The following TJP2 variants were observed in gnomAD, a reference collection of about 807,000 sequenced individuals.
TJP2 encodes the protein Friedreich ataxia region gene X104 (tight junction protein ZO-2).
A neutral mutation model predicts 133.1 loss-of-function variants in TJP2; 91 were observed. That is an observed-to-expected ratio of 0.68 (90% CI 0.58 to 0.81). The LOEUF (loss-of-function observed/expected upper bound fraction) is 0.81, where lower values mean the gene tolerates loss of function less well. TJP2 is among the 40% of genes least tolerant of loss of function. The probability of loss-of-function intolerance (pLI) is 0.00; values close to 1 mark genes in which losing one functional copy is unlikely to be tolerated. For missense variants in TJP2, 1,541 were observed against 1,565.6 expected (o/e 0.98, Z 0.26); for synonymous variants, 592 against 583.4 (o/e 1.01, Z -0.21).
rs1588168171 is a variant in TJP2, at chr9:69,253,871, C to T, written c.3408-338C>T. ...AGGTTGCCTCTGGCAACAAAGAGTTCTTGGTTATGATGGACTGAAACTGGC... is the reference window on the plus strand; with the variant it reads ...AGGTTGCCTCTGGCAACAAAGAGTTTTTGGTTATGATGGACTGAAACTGGC... On this transcript the variant is annotated intron_variant, in intron 22 of 22. Transcript: ENST00000377245. The T allele has an allele frequency of 1.6e-5, 6 of 369,466 alleles. 1 individual carries two copies. The Admixed American group carries it at 2.3e-4, about 14-fold the overall frequency. The allele number at this position is 369,466 out of a possible 1,614,324, so 22.9% of individuals were successfully genotyped here.
chr9:69,122,617 C>A (rs557962310), intron 1 of TJP2, among the ~76,000 whole-genome samples: 12 of 152,176 alleles, frequency 7.9e-5, no homozygotes, highest in Non-Finnish European at 1.8e-4. Flanking sequence ...AGTTGGAGAT[C>A]TTTATGTTGG....
At chr9:69,242,060 G>T (rs967958637) in intron 17 of TJP2, among the ~76,000 whole-genome samples, 2 of 152,208 alleles carry the variant, frequency 1.3e-5, no homozygotes, top group Non-Finnish European at 2.9e-5. Context: ...TGAGGATGTA[G>T]GAAATCGGGA....
At chr9:69,141,276 C>G (rs1050443913) in intron 1 of TJP2, among the ~76,000 whole-genome samples, 2 of 152,180 alleles carry the variant, frequency 1.3e-5, no homozygotes, top group Admixed American at 1.3e-4. Flanking sequence ...TATTCAGTAG[C>G]AGGGGTTAAA....
chr9:69,160,114 G>C (rs1823992517), intron 2 of TJP2, among the ~76,000 whole-genome samples: 1 of 151,972 alleles, frequency 6.6e-6, no homozygotes, highest in South Asian at 2.1e-4. Flanking sequence ...ATTGGCTCTG[G>C]AAAAAATAAT....
intron 5 of TJP2, among the ~76,000 whole-genome samples, chr9:69,224,271 C>A (rs1186046525): frequency 2.6e-5 from 4 of 152,294 alleles, no homozygotes; most frequent in African/African-American, 9.6e-5. Context: ...TTCATATAAT[C>A]TAAAATGCTA....
At chr9:69,246,422 A>T (rs960972018) in intron 17 of TJP2, 1 of 431,496 alleles carries the variant, frequency 2.3e-6, no homozygotes, top group African/African-American at 2.0e-5. Flanking sequence ...AACATTTTTA[A>T]AAGTTAGCCT....
At chr9:69,130,290 A>C (rs1015826263) in intron 1 of TJP2, among the ~76,000 whole-genome samples, 8 of 152,162 alleles carry the variant, frequency 5.3e-5, no homozygotes, top group African/African-American at 1.9e-4. Context: ...AAATGTTGGT[A>C]ATAGCAGAGA....
intron 12 of TJP2, among the ~76,000 whole-genome samples, chr9:69,235,646 G>A (rs1158652720): frequency 6.6e-6 from 1 of 152,120 alleles, no homozygotes; most frequent in Non-Finnish European, 1.5e-5. Flanking sequence ...TTGAGAAGGG[G>A]TCTGATTGTC....
intron 5 of TJP2, among the ~76,000 whole-genome samples, chr9:69,224,930 C>T (rs1049954466): frequency 6.6e-6 from 1 of 152,148 alleles, no homozygotes; most frequent in Non-Finnish European, 1.5e-5. Flanking sequence ...CATTCTCCTA[C>T]ATCAGTCACC....
chr9:69,201,022 A>G (rs1826950079), intron 1 of TJP2, among the ~76,000 whole-genome samples: 1 of 152,220 alleles, frequency 6.6e-6, no homozygotes, highest in Non-Finnish European at 1.5e-5. Flanking sequence ...CTCAGGGAGT[A>G]TATGTCGAAT....
chr9:69,168,749 G>A (rs912087462), intron 2 of TJP2, among the ~76,000 whole-genome samples: 1 of 150,910 alleles, frequency 6.6e-6, no homozygotes, highest in Admixed American at 6.6e-5. Context: ...GAGCTAAGAC[G>A]GCGCCATTGC....
chr9:69,201,254 G>A lies in TJP2; in HGVS notation c.61-11294G>A, dbSNP rs183375894. 1.1e-3 allele frequency among the ~76,000 whole-genome samples: 171 copies of A among 152,316 alleles called. 1 individual carries two copies. Among genetic ancestry groups the A allele is most frequent in the Middle Eastern group, 6.8e-3 (2 of 294 alleles). On this transcript the variant is annotated intron_variant, in intron 1 of 22. Coordinates refer to ENST00000377245, the MANE Select transcript of TJP2 (RefSeq NM_004817.4). Reference sequence around the variant, plus strand: ...CCTTAAACCCATAAGCTCTTCTCATGGAGGTAGCTGTCCACCACAAAATGT... The same window carrying A: ...CCTTAAACCCATAAGCTCTTCTCATAGAGGTAGCTGTCCACCACAAAATGT...
At chr9:69,132,637 T>C (rs1189421839) in intron 1 of TJP2, among the ~76,000 whole-genome samples, 1 of 152,178 alleles carries the variant, frequency 6.6e-6, no homozygotes, top group Non-Finnish European at 1.5e-5. Context: ...CAGGCGCTTA[T>C]CAATGCCTAT....
At chr9:69,238,322 C>T (rs1427602351) in intron 15 of TJP2, among the ~76,000 whole-genome samples, 2 of 152,142 alleles carry the variant, frequency 1.3e-5, no homozygotes, top group Admixed American at 1.3e-4. Flanking sequence ...AGTCCATTTT[C>T]CACGTTTTCT....
chr9:69,193,515 T>TAA lies in TJP2; in HGVS notation c.61-19023_61-19022dup, dbSNP rs11409774. ...AGCTTAATAACGTTTAATTCAGAATTAAAAAAAAAAACGTCAGCCCATACC... is the reference window on the plus strand; with the variant it reads ...AGCTTAATAACGTTTAATTCAGAATTAAAAAAAAAAAAACGTCAGCCCATACC... On this transcript the variant is annotated intron_variant, in intron 1 of 22. Transcript: ENST00000377245. Among the ~76,000 whole-genome samples the TAA allele has an allele frequency of 9.0e-4, 126 of 140,304 alleles. 1 individual carries two copies. The highest frequency in any genetic ancestry group is 1.7e-3 in the African/African-American group (62 of 37,568). 92.0% of individuals were successfully genotyped at this position (140,304 alleles called of 152,430 possible). A position where few individuals can be genotyped will look rare whatever the true frequency, so the allele number is the denominator to read the frequency against.
At chr9:69,138,369 T>C (rs1272896713) in intron 1 of TJP2, among the ~76,000 whole-genome samples, 1 of 151,662 alleles carries the variant, frequency 6.6e-6, no homozygotes, top group African/African-American at 2.4e-5. Context: ...CTATAAAGTA[T>C]ATAATGGGCT....
chr9:69,165,250 C>T lies in TJP2; in HGVS notation c.-10+13479C>T, dbSNP rs146809257. 7.9e-5 allele frequency among the ~76,000 whole-genome samples: 12 copies of T among 152,340 alleles called. No individual in the cohort carries two copies. The East Asian group carries it at 2.3e-3, about 29-fold the overall frequency. The stretch of plus-strand genomic sequence containing the variant: ...TCAAGTGATTCTTCTGTCTCAGCCT[C>T]TGGAGTAGCTGGGACTTCAGGTGTG... On this transcript the variant is annotated intron_variant, in intron 2 of 5. Transcript: ENST00000423935.
At chr9:69,247,762 C>T (rs938500607) in intron 18 of TJP2, among the ~76,000 whole-genome samples, 2 of 152,062 alleles carry the variant, frequency 1.3e-5, no homozygotes, top group Non-Finnish European at 1.5e-5. Context: ...GTGGCTTAGC[C>T]GCGGTATGGA....
chr9:69,205,287 A>C, intron 1 of TJP2: 1 of 1,537,094 alleles, frequency 6.5e-7, no homozygotes, highest in South Asian at 1.2e-5. Flanking sequence ...CTTCATGGGA[A>C]GGGGAGGGAA....
Sources: gnomAD v4.1 joint callset for allele counts (sites outside exome capture counted in the v4.1 genomes callset) on GRCh38, gnomAD v4.1.1 for gene constraint, MANE v1.5 for transcripts, NCBI Gene and HGNC (gene_info 2026-07-23, HGNC 2026-07-21) for gene names.